Variants in PDE10A observed in about 807,000 individuals in gnomAD.
The protein encoded by PDE10A is phosphodiesterase 10A.
A neutral mutation model predicts 97.7 loss-of-function variants in PDE10A; 39 were observed. That is an observed-to-expected ratio of 0.40 (90% CI 0.31 to 0.52). The LOEUF is 0.52. Ranked by LOEUF, PDE10A falls within the 20% of genes least tolerant of loss-of-function variation. The pLI, the probability that PDE10A is intolerant of heterozygous loss-of-function variation, is 0.56. For missense variants in PDE10A, 731 were observed against 1,047.8 expected (o/e 0.70, Z 4.17); for synonymous variants, 371 against 376.8 (o/e 0.98, Z 0.18).
At chr6:165,686,805 G>C (rs1190041556) in intron 1 of PDE10A, among the ~76,000 whole-genome samples, 3 of 152,160 alleles carry the variant, frequency 2.0e-5, no homozygotes, top group Non-Finnish European at 4.4e-5. Flanking sequence ...GGGCATGAGC[G>C]GCATCACGTG....
chr6:165,334,956 T>C (rs1192368816), intron 21 of PDE10A, among the ~76,000 whole-genome samples: 1 of 152,058 alleles, frequency 6.6e-6, no homozygotes, highest in East Asian at 1.9e-4. Context: ...CTCTGGCCAG[T>C]GTCTGTTCTC....
intron 17 of PDE10A, among the ~76,000 whole-genome samples, chr6:165,382,774 C>G (rs943510179): frequency 6.6e-6 from 1 of 151,978 alleles, no homozygotes; most frequent in Admixed American, 6.6e-5. Context: ...TCTACCAGTA[C>G]AACTTCCACA....
chr6:165,700,549 G>A (rs530863173), intron 1 of PDE10A, among the ~76,000 whole-genome samples: 7 of 152,248 alleles, frequency 4.6e-5, no homozygotes, highest in South Asian at 2.1e-4. Context: ...TGTCGTGCAC[G>A]CATTTCTTTT....
At chr6:165,424,669 T>C (rs555624179) in intron 10 of PDE10A, among the ~76,000 whole-genome samples, 7 of 152,202 alleles carry the variant, frequency 4.6e-5, no homozygotes, top group African/African-American at 1.7e-4. Flanking sequence ...AAAAGAACCA[T>C]TGAGCAATCC....
At chr6:165,462,946 A>G (rs1778413598) in intron 3 of PDE10A, among the ~76,000 whole-genome samples, 1 of 152,238 alleles carries the variant, frequency 6.6e-6, no homozygotes, top group African/African-American at 2.4e-5. Context: ...TAATTGAGGC[A>G]TACCACCCTC....
intron 1 of PDE10A, chr6:165,940,667 C>G (rs1254211700): frequency 1.3e-5 from 2 of 152,278 alleles, no homozygotes; most frequent in Non-Finnish European, 2.9e-5. Context: ...GGTGCTTCCT[C>G]GTTCCTGGGA....
At position 165,584,668 on chromosome 6, in the gene PDE10A, AAAG is replaced by A. The variant is rs1451700994; in HGVS notation, c.866-41103_866-41101del. Among the ~76,000 whole-genome samples, 7 of 152,306 alleles carry A rather than the reference AAAG, an allele frequency of 4.6e-5. No individual in the cohort carries two copies. In the East Asian group the frequency reaches 5.8e-4, roughly 13 times the overall value. On this transcript the variant is annotated intron_variant, in intron 1 of 21. Coordinates refer to ENST00000539869, the MANE Select transcript of PDE10A (RefSeq NM_001385079.1). ...ACACCTGGTTGCTTTTCGGCTACAA[AAAG>A]AAGGTTAGGAAGAACATGTCTGGAA... is the stretch of plus-strand genomic sequence containing the variant.
chr6:165,776,997 T>C (rs1256526700), intron 1 of PDE10A, among the ~76,000 whole-genome samples: 1 of 152,182 alleles, frequency 6.6e-6, no homozygotes, highest in Non-Finnish European at 1.5e-5. Context: ...TCCCTCTTTC[T>C]CTTCACTTTA....
chr6:165,448,709 A>AACACAC (rs10645551), intron 5 of PDE10A, among the ~76,000 whole-genome samples: 4,083 of 147,456 alleles, frequency 0.028, 151 homozygotes, highest in African/African-American at 0.084. Flanking sequence ...AGCCAAAGGA[A>AACACAC]ACACACACAC....
rs879109151 is a variant in PDE10A at position 165,893,274 on chromosome 6, G to A, written c.-615+94255C>T. ...AGTCACTCTTCAGATTTTGCCCCTC[G>A]CCCTGCGAATGCCCTTTTTTTGGTC... On this transcript the variant is annotated intron_variant, in intron 1 of 19. Transcript: ENST00000366882. Among the ~76,000 whole-genome samples, 15 of 152,222 alleles carry A rather than the reference G, an allele frequency of 9.9e-5. No homozygotes were observed. In the East Asian group the frequency reaches 1.5e-3, roughly 16 times the overall value.
chr6:165,568,246 G>T (rs527909670), intron 1 of PDE10A, among the ~76,000 whole-genome samples: 1 of 151,978 alleles, frequency 6.6e-6, no homozygotes. Flanking sequence ...TGATCCGCCC[G>T]CCTCGGCCTC....
intron 1 of PDE10A, among the ~76,000 whole-genome samples, chr6:165,858,514 G>A (rs1055580519): frequency 1.4e-4 from 21 of 152,176 alleles, no homozygotes; most frequent in African/African-American, 4.6e-4. Flanking sequence ...TGACGTGAAC[G>A]GTCACTGGGG....
intron 5 of PDE10A, among the ~76,000 whole-genome samples, chr6:165,447,785 G>A (rs1379887445): frequency 4.6e-5 from 7 of 152,146 alleles, no homozygotes; most frequent in Non-Finnish European, 7.4e-5. Context: ...CGGTTTATAT[G>A]AAAGGCACTA....
chr6:165,462,258 A>G (rs2128260228), intron 3 of PDE10A, among the ~76,000 whole-genome samples: 1 of 152,362 alleles, frequency 6.6e-6, no homozygotes, highest in Middle Eastern at 3.4e-3. Context: ...AAAAGGGGGA[A>G]ATAGAGAATA....
intron 2 of PDE10A, among the ~76,000 whole-genome samples, chr6:165,501,299 C>T (rs1040460506): frequency 5.9e-5 from 9 of 152,160 alleles, no homozygotes; most frequent in African/African-American, 9.7e-5. Context: ...CAGTGGCTCA[C>T]GCCTGTAATC....
chr6:165,689,170 T>G (rs1791202984), intron 1 of PDE10A, among the ~76,000 whole-genome samples: 1 of 152,222 alleles, frequency 6.6e-6, no homozygotes, highest in Non-Finnish European at 1.5e-5. Flanking sequence ...TTGTTAGCTG[T>G]GTGACTTTGG....
intron 13 of PDE10A, among the ~76,000 whole-genome samples, chr6:165,410,508 AT>A (rs1787660254): frequency 6.6e-6 from 1 of 152,110 alleles, no homozygotes; most frequent in African/African-American, 2.4e-5. Flanking sequence ...ATTCTGTGGT[AT>A]TAGACTGGAG....
intron 3 of PDE10A, among the ~76,000 whole-genome samples, chr6:165,471,567 C>T (rs1779008561): frequency 1.3e-5 from 2 of 152,152 alleles, no homozygotes; most frequent in Non-Finnish European, 2.9e-5. Context: ...CCTGAACACA[C>T]ACCCTGACCT....
rs531634016 is a variant in PDE10A, at chr6:165,349,197, T to C, written c.2784-5695A>G. On this transcript the variant is annotated intron_variant, in intron 18 of 21. Coordinates refer to ENST00000539869, the MANE Select transcript of PDE10A (RefSeq NM_001385079.1). ...GAAAGTTTGGAATTTCCTAGAGACTTGGACAACTCAGAAGACAGGAAGAAG... is the reference window on the plus strand; with the variant it reads ...GAAAGTTTGGAATTTCCTAGAGACTCGGACAACTCAGAAGACAGGAAGAAG... 1.3e-4 allele frequency among the ~76,000 whole-genome samples: 20 copies of C among 152,222 alleles called. No individual in the cohort carries two copies. In the South Asian group the frequency reaches 2.7e-3, roughly 21 times the overall value.
Sources: allele counts gnomAD v4.1 joint callset (sites outside exome capture counted in the v4.1 genomes callset), GRCh38; gene constraint gnomAD v4.1.1; transcripts MANE v1.5; gene names NCBI Gene and HGNC (gene_info 2026-07-23, HGNC 2026-07-21).